The following HACL1 variants were observed in gnomAD, a reference collection of about 807,000 sequenced individuals.
The protein encoded by HACL1 is 1600020H07Rik.
A neutral mutation model predicts 74.2 loss-of-function variants in HACL1; 64 were observed. That is an observed-to-expected ratio of 0.86 (90% CI 0.70 to 1.06). The LOEUF is 1.06. Among genes scored for constraint, HACL1 ranks in the 50% least tolerant of loss-of-function variants. The pLI, the probability that HACL1 is intolerant of heterozygous loss-of-function variation, is 0.00. For missense variants in HACL1, 728 were observed against 719.7 expected, an observed-to-expected ratio of 1.01 and a Z score of -0.13; for synonymous variants, 230 against 238.8, an observed-to-expected ratio of 0.96 and a Z score of 0.34.
At position 15,589,554 on chromosome 3, in the gene HACL1, G is replaced by T; in HGVS notation, c.367C>A (p.Gln123Lys). ...AAGTTGGATACCTGAGGAAACTCCT[G>T]GAAAGCTCCCATTGTTTCTTGGTTT... ...ERNQETMGAFQEFPQVEACRL... is the reference protein window; with the variant it reads ...ERNQETMGAFKEFPQVEACRL... Residue 123 changes from glutamine (Q) to lysine (K), a missense_variant, in exon 5 of 17, where the codon CAG becomes AAG. By Grantham distance (53) the Gln-to-Lys change is moderately conservative (BLOSUM62 1). Transcript: ENST00000321169. 6.2e-7 allele frequency: 1 copy of T among 1,605,592 alleles called. No homozygotes were observed. The highest frequency in any genetic ancestry group is 8.5e-7 in the Non-Finnish European group (1 of 1,172,746).
At chr3:15,598,127 C>T (rs2064105441) in intron 2 of HACL1, among the ~76,000 whole-genome samples, 1 of 151,804 alleles carries the variant, frequency 6.6e-6, no homozygotes, top group Non-Finnish European at 1.5e-5. Context: ...CAGGTTCAAG[C>T]AATTCTCCTG....
At chr3:15,573,990 A>G (rs145656790) in intron 10 of HACL1, among the ~76,000 whole-genome samples, 3 of 152,350 alleles carry the variant, frequency 2.0e-5, no homozygotes, top group African/African-American at 7.2e-5. Context: ...CAACTGGCTC[A>G]GCTGGGAAAG....
At chr3:15,573,347 AAAG>A (rs1403953710) in intron 10 of HACL1, 105 bp from the exon 11 acceptor site, 4 of 665,510 alleles carry the variant, frequency 6.0e-6, no homozygotes, top group East Asian at 2.7e-5. Flanking sequence ...AACACATGAT[AAAG>A]AAGATTTGAT....
chr3:15,586,361 T>C lies in HACL1; in HGVS notation c.459+164A>G, dbSNP rs572312941. Among the ~76,000 whole-genome samples, 31 of 152,312 alleles carry C rather than the reference T, an allele frequency of 2.0e-4. No homozygotes were observed. In the East Asian group the frequency reaches 5.6e-3, roughly 27 times the overall value. ...TTTACCTCTCTATAATTAAATGTAA[T>C]GACAGTGAACACTAAAATGTAAATA... On this transcript the variant is annotated intron_variant, in intron 6 of 16. Transcript: ENST00000321169.
intron 14 of HACL1, among the ~76,000 whole-genome samples, 188 bp from the exon 15 acceptor site, chr3:15,564,846 A>G (rs1369930675): frequency 6.6e-6 from 1 of 152,228 alleles, no homozygotes; most frequent in Non-Finnish European, 1.5e-5. Context: ...AACATCATGG[A>G]AAGGCAGAAA....
rs144588508 is a variant in HACL1 at position 15,598,026 on chromosome 3, T to G, written c.187-1602A>C. Among the ~76,000 whole-genome samples the G allele has an allele frequency of 5.0e-3, 765 of 152,034 alleles. 4 individuals are homozygous for G. The highest frequency in any genetic ancestry group is 0.015 in the African/African-American group (640 of 41,478). On this transcript the variant is annotated intron_variant, in intron 2 of 16. Coordinates refer to ENST00000321169, the MANE Select transcript of HACL1 (RefSeq NM_012260.4). ...GTTTTATTTTGTTTTGTTTTGTTTT[T>G]TTTTTTTGAGACAGAGTTTCGGAGT...
In HACL1 at chr3:15,593,109, G is replaced by GTA. The variant is rs760155695; in HGVS notation, c.228-1431_228-1430dup. On this transcript the variant is annotated intron_variant, in intron 3 of 16. Transcript: ENST00000321169. The stretch of plus-strand genomic sequence containing the variant: ...CACACACATATACATATATGTGTGT[G>GTA]TATATATACACACACATACGTATAT... Among the ~76,000 whole-genome samples the GTA allele has an allele frequency of 2.1e-5, 3 of 144,296 alleles. No individual in the cohort carries two copies. The East Asian group carries it at 6.4e-4, about 31-fold the overall frequency. The allele number at this position is 144,296 out of a possible 152,430, so 94.7% of individuals were successfully genotyped here.
At chr3:15,599,222 G>A (rs998188235) in intron 2 of HACL1, among the ~76,000 whole-genome samples, 10 of 152,228 alleles carry the variant, frequency 6.6e-5, no homozygotes, top group Non-Finnish European at 2.9e-5. Context: ...CTTAAAGCCA[G>A]GAACTATCAT....
chr3:15,568,581 T>C lies in HACL1; in HGVS notation c.1101A>G (p.Leu367=), dbSNP rs760369822. 84 of 1,519,270 alleles carry C rather than the reference T, an allele frequency of 5.5e-5. No homozygotes were observed. The highest frequency in any genetic ancestry group is 6.3e-5 in the Non-Finnish European group (70 of 1,108,642). The allele number at this position is 1,519,270 out of a possible 1,614,324, so 94.1% of individuals were successfully genotyped here. The part of the protein sequence containing the change: ...MKSNEAASKE[L]ASKKSLPMNY... ...TCATAGGCAGGGATTTTTTAGAAGC[T>C]AGTTCCTGAAAAGTAGATGGGAATA... Residue 367 remains leucine (L), a synonymous_variant, in exon 13 of 17, where the codon CTA becomes CTG. Coordinates refer to ENST00000321169, the MANE Select transcript of HACL1 (RefSeq NM_012260.4).
chr3:15,578,834 G>A (rs573950212), intron 9 of HACL1, among the ~76,000 whole-genome samples: 1 of 152,240 alleles, frequency 6.6e-6, no homozygotes, highest in East Asian at 1.9e-4. Context: ...TCAGAGGGCA[G>A]CTTTAGTTAT....
At position 15,580,045 on chromosome 3, in the gene HACL1, C is replaced by G. The variant is rs369579837; in HGVS notation, c.668G>C (p.Gly223Ala). The G allele has an allele frequency of 1.2e-6, 2 of 1,611,230 alleles. No individual in the cohort carries two copies. The highest frequency in any genetic ancestry group is 1.7e-6 in the Non-Finnish European group (2 of 1,178,046). The change falls in exon 9 of 17, where the codon GGT becomes GCT. Residue 223 changes from glycine to alanine, a missense_variant and splice_region_variant. By Grantham distance (60) the Gly-to-Ala change is moderately conservative (BLOSUM62 0). Coordinates refer to ENST00000321169, the MANE Select transcript of HACL1 (RefSeq NM_012260.4). ...AKQPLLIIGK[G>A]AAYAHAEESI... ...CTCTTCTGCATGAGCGTAAGCAGCA[C>G]CTATAAGAAATGCAAATGTATTGGA...
intron 16 of HACL1, among the ~76,000 whole-genome samples, chr3:15,563,076 T>C (rs1212512979): frequency 1.3e-5 from 2 of 152,190 alleles, no homozygotes; most frequent in Admixed American, 6.5e-5. Flanking sequence ...TCTGTCATAG[T>C]GTGTTCAGTT....
intron 2 of HACL1, 47 bp from the exon 3 acceptor site, chr3:15,596,471 G>A: frequency 8.7e-7 from 1 of 1,147,186 alleles, no homozygotes; most frequent in Non-Finnish European, 1.3e-6. Context: ...GATCCTTATA[G>A]TACATTTATG....
At chr3:15,572,002 G>C (rs2063545174) in intron 11 of HACL1, among the ~76,000 whole-genome samples, 1 of 151,696 alleles carries the variant, frequency 6.6e-6, no homozygotes, top group South Asian at 2.1e-4. Context: ...ACCATGCTCA[G>C]CTAATTTTTG....
intron 2 of HACL1, among the ~76,000 whole-genome samples, chr3:15,599,192 C>T (rs536946043): frequency 3.2e-4 from 49 of 152,348 alleles, no homozygotes; most frequent in African/African-American, 8.7e-4. Context: ...TGTCTGTCTC[C>T]ACAGCTTGGC....
At chr3:15,581,837 C>T (rs2063720120) in intron 8 of HACL1, among the ~76,000 whole-genome samples, 1 of 152,192 alleles carries the variant, frequency 6.6e-6, no homozygotes, top group African/African-American at 2.4e-5. Context: ...TTTGTGTAAT[C>T]CCTGCCTTAT....
intron 2 of HACL1, chr3:15,600,877 C>T: frequency 1.7e-6 from 1 of 605,586 alleles, no homozygotes; most frequent in East Asian, 2.8e-5. Context: ...TCTGCTACTA[C>T]CAGCTGTGTC....
intron 7 of HACL1, among the ~76,000 whole-genome samples, chr3:15,585,020 AG>A (rs1414016545): frequency 6.6e-6 from 1 of 152,258 alleles, no homozygotes; most frequent in African/African-American, 2.4e-5. Flanking sequence ...CGAGGAGTTC[AG>A]GAAGTTCTAA....
chr3:15,562,541 T>C (rs115724886), intron 16 of HACL1, among the ~76,000 whole-genome samples: 3,265 of 152,300 alleles, frequency 0.021, 55 homozygotes, highest in Non-Finnish European at 0.033. Context: ...AAGAAAGAGA[T>C]TCCATATATA....
Sources: gnomAD v4.1 joint callset for allele counts (sites outside exome capture counted in the v4.1 genomes callset) on GRCh38, gnomAD v4.1.1 for gene constraint, MANE v1.5 for transcripts, NCBI Gene and HGNC (gene_info 2026-07-23, HGNC 2026-07-21) for gene names.